The following FANCM variants were observed in gnomAD, a reference collection of about 807,000 sequenced individuals.
The protein encoded by FANCM is FA complementation group M, also known as Fanconi anemia group M protein.
In FANCM, 140 loss-of-function variants were observed where a neutral mutation model predicts 199.5. That is an observed-to-expected ratio of 0.70 (90% confidence interval 0.61 to 0.81). The LOEUF (loss-of-function observed/expected upper bound fraction) is 0.81. Ranked by LOEUF, FANCM falls within the 30% of genes least tolerant of loss-of-function variation. FANCM has a pLI of 0.00. For missense variants in FANCM, 2,410 were observed against 2,421.4 expected (o/e 1.00, Z 0.10); for synonymous variants, 840 against 836.8 (o/e 1.00, Z -0.07).
intron 21 of FANCM, among the ~76,000 whole-genome samples, chr14:45,197,833 G>T (rs1002107001): frequency 3.3e-5 from 5 of 149,892 alleles, no homozygotes; most frequent in Admixed American, 2.0e-4. Context: ...GCGCAATCTC[G>T]GCTCACTGCA....
chr14:45,145,164 T>C (rs1039993092), intron 3 of FANCM, among the ~76,000 whole-genome samples: 3 of 151,966 alleles, frequency 2.0e-5, no homozygotes, highest in South Asian at 2.1e-4. Context: ...CTCATGACTC[T>C]GCCCTGTCCT....
intron 2 of FANCM, among the ~76,000 whole-genome samples, chr14:45,138,702 A>G (rs943216619): frequency 6.6e-6 from 1 of 152,242 alleles, no homozygotes; most frequent in Non-Finnish European, 1.5e-5. Context: ...TTTTATTTTC[A>G]AAACATTTCT....
intron 10 of FANCM, among the ~76,000 whole-genome samples, chr14:45,165,027 T>C (rs1887864707): frequency 6.6e-6 from 1 of 152,226 alleles, no homozygotes; most frequent in South Asian, 2.1e-4. Context: ...ATATTTACTT[T>C]CTGGCCCTTT....
chr14:45,137,045 G>A (rs1885566596), intron 1 of FANCM, 24 bp from the exon 2 acceptor site: 7 of 1,573,478 alleles, frequency 4.4e-6, no homozygotes, highest in Non-Finnish European at 6.1e-6. Context: ...AGTTTAGAAT[G>A]TAGAATGTCA....
At chr14:45,136,621 C>T (rs1885533795) in intron 1 of FANCM, 82 bp downstream of exon 1, 1 of 1,300,178 alleles carries the variant, frequency 7.7e-7, no homozygotes, top group Non-Finnish European at 1.1e-6. Flanking sequence ...ACAACATGTG[C>T]ATCTTACGCC....
chr14:45,154,198 C>T (rs908183681), intron 6 of FANCM, 146 bp downstream of exon 6: 78 of 570,702 alleles, frequency 1.4e-4, no homozygotes, highest in Non-Finnish European at 5.0e-5. Context: ...GTCAGGAGTT[C>T]AAGACCAGCC....
At position 45,196,410 on chromosome 14, in the gene FANCM, G is replaced by A. The variant is rs776506025; in HGVS notation, c.5579G>A (p.Arg1860His). 161 of 1,613,912 alleles carry A rather than the reference G, an allele frequency of 1.0e-4. No individual in the cohort carries two copies. Among genetic ancestry groups the A allele is most frequent in the Middle Eastern group, 1.6e-4 (1 of 6,084 alleles). ...LNGCDYIVSN[R>H]MVVERRSQSE... ...GGCTGTGATTACATCGTGAGTAATCGCATGGTGGTGGAAAGGAGGTCTCAA... is the reference window on the plus strand; with the variant it reads ...GGCTGTGATTACATCGTGAGTAATCACATGGTGGTGGAAAGGAGGTCTCAA... Residue 1860 changes from arginine to histidine, a missense_variant, in exon 21 of 23, where the codon CGC becomes CAC. Arg to His is a conservative substitution (Grantham distance 29, BLOSUM62 0). Transcript: ENST00000267430.
At chr14:45,157,776 G>T (rs1327361180) in intron 8 of FANCM, among the ~76,000 whole-genome samples, 1 of 152,182 alleles carries the variant, frequency 6.6e-6, no homozygotes, top group African/African-American at 2.4e-5. Context: ...TTTTGTTTTT[G>T]TATTGTAAAT....
At chr14:45,163,797 G>T (rs1359507032) in intron 9 of FANCM, among the ~76,000 whole-genome samples, 1 of 152,098 alleles carries the variant, frequency 6.6e-6, no homozygotes, top group Non-Finnish European at 1.5e-5. Flanking sequence ...ATTCAGTGAC[G>T]AACTTAAATT....
chr14:45,187,876 A>T lies in FANCM; in HGVS notation c.4768A>T (p.Ile1590Phe). 3 of 1,449,178 alleles carry T rather than the reference A, an allele frequency of 2.1e-6. No individual in the cohort carries two copies. The highest frequency in any genetic ancestry group is 2.9e-6 in the Non-Finnish European group (3 of 1,030,186). The allele number at this position is 1,449,178 out of a possible 1,614,324, so 89.8% of individuals were successfully genotyped here. A position where few individuals can be genotyped will look rare whatever the true frequency, so the allele number is the denominator to read the frequency against. ...TCATAAGACACATAAAAACATAAAC[A>T]TTTTCTCGCAGGTATGAACTATAGA... Reference protein sequence around the residue: ...MIHKTHKNINIFSQIPEQDET... With the variant: ...MIHKTHKNINFFSQIPEQDET... Residue 1590 changes from isoleucine to phenylalanine, a missense_variant, in exon 19 of 23, where the codon ATT (isoleucine) becomes TTT (phenylalanine). By Grantham distance (21) the Ile-to-Phe change is conservative. Transcript: ENST00000267430.
rs558763945 is a variant in FANCM, at chr14:45,164,479, A to T, written c.1702A>T (p.Ile568Phe). ...IICFDSQKSP[I>F]RLVQRMGRTG... ...ATGTTTTGATTCCCAGAAGAGCCCA[A>T]TTCGTCTTGTACAACGAATGGGTAG... The change falls in exon 10 of 23, where the codon ATT becomes TTT. Residue 568 changes from isoleucine (I) to phenylalanine (F), a missense_variant. Transcript: ENST00000267430. The T allele has an allele frequency of 1.2e-6, 2 of 1,613,756 alleles. No individual in the cohort carries two copies. Among genetic ancestry groups the T allele is most frequent in the Non-Finnish European group, 1.7e-6 (2 of 1,179,990 alleles).
At position 45,166,777 on chromosome 14, in the gene FANCM, C is replaced by CAA. The variant is rs781175707; in HGVS notation, c.1789-155_1789-154dup. 0.021 allele frequency among the ~76,000 whole-genome samples: 1,552 copies of CAA among 74,288 alleles called. 41 individuals carry two copies. Among genetic ancestry groups the CAA allele is most frequent in the African/African-American group, 0.07 (1,464 of 20,822 alleles). 48.7% of individuals were successfully genotyped at this position (74,288 alleles called of 152,430 possible). A position where few individuals can be genotyped will look rare whatever the true frequency, so the allele number is the denominator to read the frequency against. On this transcript the variant is annotated intron_variant, in intron 10 of 22. Coordinates refer to ENST00000267430, the MANE Select transcript of FANCM (RefSeq NM_020937.4). The stretch of plus-strand genomic sequence containing the variant: ...TGGATGACAGAGTAAGACCCTGTCT[C>CAA]AAAAAAAAAAAAAAAAAAATTCAAG...
rs2139100553 is a variant in FANCM at position 45,136,173 on chromosome 14, G to A, written c.142G>A (p.Ala48Thr). Reference sequence around the variant, plus strand: ...GGCGCCTTTGCCAGCAGCAGCGGAGGCTCAGCTGGAGTCGGACGATGATGT... The same window carrying A: ...GGCGCCTTTGCCAGCAGCAGCGGAGACTCAGCTGGAGTCGGACGATGATGT... Reference protein sequence around the residue: ...SKAPLPAAAEAQLESDDDVLL... With the variant: ...SKAPLPAAAETQLESDDDVLL... Residue 48 changes from alanine (A) to threonine (T), a missense_variant, in exon 1 of 23, where the codon GCT (alanine) becomes ACT (threonine). Coordinates refer to ENST00000267430, the MANE Select transcript of FANCM (RefSeq NM_020937.4). 2 of 1,614,188 alleles carry A rather than the reference G, an allele frequency of 1.2e-6. No individual in the cohort carries two copies. The highest frequency in any genetic ancestry group is 2.2e-5 in the South Asian group (2 of 91,082).
At chr14:45,188,733 A>G (rs1345715409) in intron 19 of FANCM, 69 bp from the exon 20 acceptor site, 4 of 1,160,982 alleles carry the variant, frequency 3.4e-6, no homozygotes, top group Non-Finnish European at 5.1e-6. Flanking sequence ...TCATGTGCCT[A>G]GAAGTATATT....
chr14:45,185,410 GT>G, intron 18 of FANCM, 37 bp downstream of exon 18: 1 of 1,203,800 alleles, frequency 8.3e-7, no homozygotes, highest in Non-Finnish European at 1.2e-6. Flanking sequence ...TTTTTTCAAT[GT>G]TTTTATGTGC....
chr14:45,187,724 T>A, intron 18 of FANCM, 57 bp from the exon 19 acceptor site: 1 of 796,044 alleles, frequency 1.3e-6, no homozygotes. Context: ...TTAAATACTT[T>A]ACTGGTTTTC....
At chr14:45,142,557 C>T (rs753182913) in intron 3 of FANCM, among the ~76,000 whole-genome samples, 1 of 151,974 alleles carries the variant, frequency 6.6e-6, no homozygotes, top group Admixed American at 6.6e-5. Flanking sequence ...CCACCCGCCC[C>T]GGCCTCCCAA....
intron 20 of FANCM, among the ~76,000 whole-genome samples, chr14:45,190,572 A>G (rs1043847060): frequency 2.0e-5 from 3 of 152,024 alleles, no homozygotes; most frequent in African/African-American, 7.2e-5. Flanking sequence ...CTCCGCCCCA[A>G]CCTTAACCCC....
In FANCM at chr14:45,183,075, C is replaced by A. The variant is rs555203366; in HGVS notation, c.4387-699C>A. ...AGTTGAACCATCGTAAGTTGGGGAC[C>A]ATATGTAATTAAAAATACAGCCAGT... On this transcript the variant is annotated intron_variant, in intron 16 of 22. Coordinates refer to ENST00000267430, the MANE Select transcript of FANCM (RefSeq NM_020937.4). 2.0e-5 allele frequency among the ~76,000 whole-genome samples: 3 copies of A among 152,154 alleles called. No homozygotes were observed. In the South Asian group the frequency reaches 6.2e-4, roughly 32 times the overall value.
Sources: gnomAD v4.1 joint callset for allele counts (sites outside exome capture counted in the v4.1 genomes callset) on GRCh38, gnomAD v4.1.1 for gene constraint, MANE v1.5 for transcripts, NCBI Gene and HGNC (gene_info 2026-07-23, HGNC 2026-07-21) for gene names.